BNC2: variants seen among roughly 807,000 people sequenced by gnomAD.
BNC2 encodes the protein basonuclin zinc finger protein 2.
A neutral mutation model predicts 76.3 loss-of-function variants in BNC2; 20 were observed. That is an observed-to-expected ratio of 0.26 (90% CI 0.18 to 0.38). BNC2 has a LOEUF of 0.38. BNC2 is among the 10% of genes least tolerant of loss of function. The pLI, the probability that BNC2 is intolerant of heterozygous loss-of-function variation, is 1.00. For missense variants in BNC2, 1,382 were observed against 1,399.8 expected, an observed-to-expected ratio of 0.99 and a Z score of 0.20; for synonymous variants, 582 against 514.8, an observed-to-expected ratio of 1.13 and a Z score of -1.77.
At chr9:16,797,150 A>T (rs998094674) in intron 1 of BNC2, among the ~76,000 whole-genome samples, 3 of 151,464 alleles carry the variant, frequency 2.0e-5, no homozygotes, top group African/African-American at 4.8e-5. Flanking sequence ...CTTAATATAG[A>T]TTTTTTTTTA....
chr9:16,755,304 G>A (rs1444337189), intron 1 of BNC2, among the ~76,000 whole-genome samples: 1 of 152,080 alleles, frequency 6.6e-6, no homozygotes, highest in Non-Finnish European at 1.5e-5. Context: ...TGAAGAGAAT[G>A]CATAATCAGT....
intron 1 of BNC2, among the ~76,000 whole-genome samples, chr9:16,855,682 C>T (rs1025094117): frequency 3.3e-5 from 5 of 151,912 alleles, no homozygotes; most frequent in Non-Finnish European, 7.4e-5. Context: ...GGACTACAGG[C>T]GCCCGCGACC....
chr9:16,438,613 T>C (rs1180779203), intron 5 of BNC2, among the ~76,000 whole-genome samples: 1 of 152,170 alleles, frequency 6.6e-6, no homozygotes, highest in Non-Finnish European at 1.5e-5. Flanking sequence ...GCACCATTTC[T>C]TCCCATTGGG....
At chr9:16,468,038 C>CTTTTTTTTTTT (rs1414982362) in intron 5 of BNC2, among the ~76,000 whole-genome samples, 20 of 146,242 alleles carry the variant, frequency 1.4e-4, no homozygotes, top group African/African-American at 5.2e-4. Context: ...TTCTTTCTTT[C>CTTTTTTTTTTT]TCTTTTTTTT....
At chr9:16,650,600 A>C (rs181033822) in intron 3 of BNC2, among the ~76,000 whole-genome samples, 1 of 151,616 alleles carries the variant, frequency 6.6e-6, no homozygotes, top group African/African-American at 2.4e-5. Flanking sequence ...ATTTGTGTTT[A>C]TAAATAATGG....
rs1196052153 is a variant in BNC2, at chr9:16,540,731, A to T, written c.669+11799T>A. 2.0e-5 allele frequency among the ~76,000 whole-genome samples: 3 copies of T among 152,164 alleles called. No homozygotes were observed. In the East Asian group the frequency reaches 5.8e-4, roughly 29 times the overall value. On this transcript the variant is annotated intron_variant, in intron 5 of 6. Transcript: ENST00000380672. Reference sequence around the variant, plus strand: ...TGACAGGAGCATTCAGATTGCAGAGAAGGCTACAAAGGCGCTAATGACATT... The same window carrying T: ...TGACAGGAGCATTCAGATTGCAGAGTAGGCTACAAAGGCGCTAATGACATT...
At chr9:16,452,209 G>C (rs576333785) in intron 5 of BNC2, among the ~76,000 whole-genome samples, 4 of 152,238 alleles carry the variant, frequency 2.6e-5, no homozygotes, top group South Asian at 2.1e-4. Flanking sequence ...GCAAGTACCA[G>C]TAAGTTACCT....
At chr9:16,870,604 G>A (rs1819659668) in intron 1 of BNC2, 42 bp downstream of exon 1, 3 of 1,606,616 alleles carry the variant, frequency 1.9e-6, no homozygotes, top group East Asian at 2.3e-5. Flanking sequence ...CATTTCTGAG[G>A]AAGTCTAGAA....
chr9:16,858,431 A>C (rs1474074657), intron 1 of BNC2, among the ~76,000 whole-genome samples: 1 of 152,218 alleles, frequency 6.6e-6, no homozygotes, highest in Non-Finnish European at 1.5e-5. Flanking sequence ...TTACCTAAAC[A>C]ATAGAATGTA....
At chr9:16,848,046 G>A (rs1819030785) in intron 1 of BNC2, among the ~76,000 whole-genome samples, 3 of 152,146 alleles carry the variant, frequency 2.0e-5, no homozygotes, top group Admixed American at 2.0e-4. Context: ...AGTAGCTTAT[G>A]AAAACACAAC....
At chr9:16,472,825 G>C (rs370547958) in intron 5 of BNC2, among the ~76,000 whole-genome samples, 28 of 152,334 alleles carry the variant, frequency 1.8e-4, no homozygotes, top group African/African-American at 5.5e-4. Flanking sequence ...AAAAAATTAA[G>C]TTTTAGTTAT....
In BNC2 at chr9:16,653,448, C is replaced by T. The variant is rs550180038; in HGVS notation, c.331-70363G>A. Among the ~76,000 whole-genome samples, 77 of 152,176 alleles carry T rather than the reference C, an allele frequency of 5.1e-4. 3 individuals carry two copies. In the South Asian group the frequency reaches 0.014, roughly 28 times the overall value. On this transcript the variant is annotated intron_variant, in intron 3 of 6. Coordinates refer to ENST00000380672, the MANE Select transcript of BNC2 (RefSeq NM_017637.6). ...CCCAGACATCCTTCAGTTTATCTCA[C>T]GGACAAATGAAATAAAAAGGGCTTC... is the stretch of plus-strand genomic sequence containing the variant.
intron 5 of BNC2, among the ~76,000 whole-genome samples, chr9:16,469,372 T>G (rs1821769878): frequency 6.6e-6 from 1 of 152,210 alleles, no homozygotes; most frequent in Admixed American, 6.5e-5. Context: ...TGATGAAGCC[T>G]CACGAGATTT....
chr9:16,851,564 C>A (rs1037588918), intron 1 of BNC2, among the ~76,000 whole-genome samples: 1 of 152,098 alleles, frequency 6.6e-6, no homozygotes, highest in African/African-American at 2.4e-5. Flanking sequence ...CTAAGCATAC[C>A]ATTTCTTTAT....
intron 1 of BNC2, among the ~76,000 whole-genome samples, chr9:16,749,498 G>C (rs1346608315): frequency 6.6e-6 from 1 of 152,090 alleles, no homozygotes; most frequent in Non-Finnish European, 1.5e-5. Flanking sequence ...CCGGTTGTTT[G>C]AGATCAGCCT....
chr9:16,451,181 T>C (rs1159101000), intron 5 of BNC2, among the ~76,000 whole-genome samples: 1 of 152,216 alleles, frequency 6.6e-6, no homozygotes, highest in Non-Finnish European at 1.5e-5. Context: ...GATAAACTCA[T>C]GGTGCCACCT....
chr9:16,432,198 T>G (rs1820922373), intron 6 of BNC2, among the ~76,000 whole-genome samples: 1 of 152,240 alleles, frequency 6.6e-6, no homozygotes, highest in Non-Finnish European at 1.5e-5. Flanking sequence ...CACACTCATT[T>G]ACAACTATAT....
chr9:16,500,033 C>T (rs978047848), intron 5 of BNC2, among the ~76,000 whole-genome samples: 20 of 152,114 alleles, frequency 1.3e-4, no homozygotes, highest in African/African-American at 4.6e-4. Context: ...AATTCACAAA[C>T]TCCCAGATTC....
At chr9:16,480,768 G>T (rs1822034785) in intron 5 of BNC2, among the ~76,000 whole-genome samples, 1 of 152,218 alleles carries the variant, frequency 6.6e-6, no homozygotes, top group African/African-American at 2.4e-5. Context: ...GGGACCTGCA[G>T]TCCGCCATGC....
Sources: gnomAD v4.1 joint callset for allele counts (sites outside exome capture counted in the v4.1 genomes callset) on GRCh38, gnomAD v4.1.1 for gene constraint, MANE v1.5 for transcripts, NCBI Gene and HGNC (gene_info 2026-07-23, HGNC 2026-07-21) for gene names.